The following SRCAP variants were observed in gnomAD, a reference collection of about 807,000 sequenced individuals.
SRCAP encodes chromatin remodeling protein SRCAP.
In SRCAP, 46 loss-of-function variants were observed where a neutral mutation model predicts 263.1. That is an observed-to-expected ratio of 0.17 (90% confidence interval 0.14 to 0.22). The LOEUF is 0.22. SRCAP is among the 10% of genes least tolerant of loss of function. The probability of loss-of-function intolerance (pLI) is 1.00; values close to 1 mark genes in which losing one functional copy is unlikely to be tolerated. For synonymous variants in SRCAP, 1,813 were observed against 1,662.1 expected (o/e 1.09, Z -2.21); for missense variants, 3,695 against 4,181.9 (o/e 0.88, Z 3.21).
chr16:30,719,019 T>C (rs769076091), intron 18 of SRCAP, among the ~76,000 whole-genome samples: 1 of 151,116 alleles, frequency 6.6e-6, no homozygotes, highest in Non-Finnish European at 1.5e-5. Flanking sequence ...TTCTTGTGCC[T>C]CAGCTTCCTG....
chr16:30,711,568 C>T lies in SRCAP; in HGVS notation c.1319-3C>T. 6.3e-7 allele frequency: 1 copy of T among 1,582,158 alleles called. No individual in the cohort carries two copies. On this transcript the variant is annotated splice_polypyrimidine_tract_variant and splice_region_variant and intron_variant, in intron 10 of 33. Coordinates refer to ENST00000262518, the MANE Select transcript of SRCAP (RefSeq NM_006662.3). The stretch of plus-strand genomic sequence containing the variant: ...AACCAAAAGCTTTTTGTTTCTCTTC[C>T]AGGTGAGCTTTCCATGGAGGAGCTA...
At chr16:30,711,443 CTT>C in intron 10 of SRCAP, 126 bp from the exon 11 acceptor site, 1 of 955,618 alleles carries the variant, frequency 1.0e-6, no homozygotes, top group South Asian at 1.8e-5. Flanking sequence ...AAAGTAAGCT[CTT>C]TTGCCTCCCC....
chr16:30,738,340 G>GGCGGCA lies in SRCAP; in HGVS notation c.8303_8308dup (p.Arg2768_Gln2769dup), dbSNP rs1567254301. On this transcript the variant is annotated inframe_insertion, in exon 34 of 34. Coordinates refer to ENST00000262518, the MANE Select transcript of SRCAP (RefSeq NM_006662.3). ...GAGGAAAAGGAACTGGTGCGGCGGC[G>GGCGGCA]GCGGCAGCAGCGGGGAGCTGCCAGC... 6.4e-7 allele frequency: 1 copy of GGCGGCA among 1,574,098 alleles called. No individual in the cohort carries two copies. Among genetic ancestry groups the GGCGGCA allele is most frequent in the Non-Finnish European group, 8.6e-7 (1 of 1,159,742 alleles).
chr16:30,713,497 G>C (rs778550081), intron 15 of SRCAP, 22 bp from the exon 16 acceptor site: 8 of 1,613,716 alleles, frequency 5.0e-6, no homozygotes, highest in East Asian at 2.2e-5. Context: ...TACTCTCTCT[G>C]ATTCTCTCTG....
intron 14 of SRCAP, 87 bp downstream of exon 14, chr16:30,712,902 C>A: frequency 2.0e-6 from 3 of 1,484,468 alleles, no homozygotes; most frequent in Non-Finnish European, 2.7e-6. Context: ...TTTCTCTCCT[C>A]TTTCTTTTTT....
At position 30,722,218 on chromosome 16, in the gene SRCAP, G is replaced by A; in HGVS notation, c.3638G>A (p.Gly1213Asp). The change falls in exon 22 of 34, where the codon GGC becomes GAC. Residue 1213 changes from glycine (G) to aspartate (D), a missense_variant. By Grantham distance (94) the Gly-to-Asp change is moderately conservative (BLOSUM62 -1). Around this residue, in one of 12 missense-constraint regions of SRCAP, gnomAD observed 1,347 missense variants for 1,304.4 expected, o/e 1.03. Coordinates refer to ENST00000262518, the MANE Select transcript of SRCAP (RefSeq NM_006662.3). The part of the protein sequence containing the change: ...GSKPLTFQIQ[G>D]NKLTLTGAQV... Reference sequence around the variant, plus strand: ...AAACCTCTCACCTTCCAAATCCAGGGCAACAAGCTGACTTTGACTGGTGCC... The same window carrying A: ...AAACCTCTCACCTTCCAAATCCAGGACAACAAGCTGACTTTGACTGGTGCC... 1.2e-6 allele frequency: 2 copies of A among 1,614,178 alleles called. No individual in the cohort carries two copies. The highest frequency in any genetic ancestry group is 1.7e-6 in the Non-Finnish European group (2 of 1,180,036).
At position 30,725,117 on chromosome 16, in the gene SRCAP, TGA is replaced by T. The variant is rs772882217; in HGVS notation, c.5658+37_5658+38del. ...ACTTCCTCAAGAGGGAACAGGAAGT[TGA>T]GTTTCTTTGGAGTGTTGGTAGGGTG... On this transcript the variant is annotated intron_variant, in intron 25 of 33. Coordinates refer to ENST00000262518, the MANE Select transcript of SRCAP (RefSeq NM_006662.3). The T allele has an allele frequency of 1.9e-6, 3 of 1,565,340 alleles. No homozygotes were observed. In the Admixed American group the frequency reaches 5.6e-5, roughly 29 times the overall value.
Position 30,723,651 on chromosome 16 carries a change from G to A in SRCAP, c.4227G>A (p.Gly1409=). The A allele has an allele frequency of 1.2e-6, 2 of 1,613,542 alleles. No homozygotes were observed. The highest frequency in any genetic ancestry group is 1.7e-6 in the Non-Finnish European group (2 of 1,179,748). ...SPLHVPSSLP[G]PASSPMPIPN... The stretch of plus-strand genomic sequence containing the variant: ...TCCACGTGCCATCCTCCCTCCCTGG[G>A]CCAGCCTCTTCTCCAATGCCAATTC... The change falls in exon 25 of 34, where the codon GGG becomes GGA. Residue 1409 remains glycine, a synonymous_variant. Transcript: ENST00000262518.
In SRCAP at chr16:30,724,587, A is replaced by G. The variant is rs1338309681; in HGVS notation, c.5163A>G (p.Ala1721=). The G allele has an allele frequency of 2.5e-6, 4 of 1,614,084 alleles. No individual in the cohort carries two copies. The South Asian group carries it at 3.3e-5, about 13-fold the overall frequency. ...CTCAGACATTGTCATTAACTCCAGCATCATCCCTGGTACCAACTCCAGCCC... is the reference window on the plus strand; with the variant it reads ...CTCAGACATTGTCATTAACTCCAGCGTCATCCCTGGTACCAACTCCAGCCC... ...FPTQTLSLTP[A]SSLVPTPAQT... The change falls in exon 25 of 34, where the codon GCA becomes GCG. Residue 1721 remains alanine (A), a synonymous_variant. Coordinates refer to ENST00000262518, the MANE Select transcript of SRCAP (RefSeq NM_006662.3).
Position 30,737,008 on chromosome 16 carries a change from G to A in SRCAP, c.7009-41G>A, listed in dbSNP as rs141410244. 9.7e-5 allele frequency: 149 copies of A among 1,538,162 alleles called. No homozygotes were observed. In the African/African-American group the frequency reaches 1.6e-3, roughly 17 times the overall value. On this transcript the variant is annotated intron_variant, in intron 33 of 33. Coordinates refer to ENST00000262518, the MANE Select transcript of SRCAP (RefSeq NM_006662.3). ...CTAATTTCTACTCACTCTCTACTCT[G>A]CTTGCCTCCTCCTGACCACTTTTGG...
chr16:30,718,679 C>G (rs1020025280), intron 18 of SRCAP, among the ~76,000 whole-genome samples: 3 of 151,742 alleles, frequency 2.0e-5, no homozygotes, highest in Non-Finnish European at 2.9e-5. Flanking sequence ...ACCACGTTGC[C>G]CAGCTGGTCT....
At chr16:30,734,663 A>AT in intron 31 of SRCAP, 48 bp downstream of exon 31, 1 of 1,612,112 alleles carries the variant, frequency 6.2e-7, no homozygotes, top group Non-Finnish European at 8.5e-7. Context: ...TTCTTACAGA[A>AT]TATCTTGTCT....
intron 3 of SRCAP, among the ~76,000 whole-genome samples, chr16:30,703,628 G>A (rs1192678700): frequency 6.6e-6 from 1 of 151,856 alleles, no homozygotes; most frequent in East Asian, 1.9e-4. Flanking sequence ...CGGGCGTGGT[G>A]GCTCACGCCT....
chr16:30,712,017 G>A lies in SRCAP; in HGVS notation c.1675G>A (p.Glu559Lys). 1 of 1,614,070 alleles carries A rather than the reference G, an allele frequency of 6.2e-7. No individual in the cohort carries two copies. The highest frequency in any genetic ancestry group is 8.5e-7 in the Non-Finnish European group (1 of 1,180,026). ...GGTGGAGTACTTGCTTGCCAGGGATGAAGAGCAGAGTGAGGCAGATGCAGG... is the reference window on the plus strand; with the variant it reads ...GGTGGAGTACTTGCTTGCCAGGGATAAAGAGCAGAGTGAGGCAGATGCAGG... ...FGVEYLLARD[E>K]EQSEADAGSG... The change falls in exon 12 of 34, where the codon GAA becomes AAA. Residue 559 changes from glutamate (E) to lysine (K), a missense_variant. Glu to Lys is a moderately conservative substitution (Grantham distance 56, BLOSUM62 1). This residue lies in a region of SRCAP where 288 missense variants were observed against 302.4 expected (regional missense o/e 0.95). Coordinates refer to ENST00000262518, the MANE Select transcript of SRCAP (RefSeq NM_006662.3).
Position 30,735,567 on chromosome 16 carries a change from C to CTTTTT in SRCAP, c.6730-615_6730-611dup, listed in dbSNP as rs10663863. On this transcript the variant is annotated intron_variant, in intron 31 of 33. Coordinates refer to ENST00000262518, the MANE Select transcript of SRCAP (RefSeq NM_006662.3). ...AAAATAATTGCAGTTTTTGACATTA[C>CTTTTT]TTTTTTTTTTTTTTTTTTTTTTGGA... 7.2e-3 allele frequency among the ~76,000 whole-genome samples: 500 copies of CTTTTT among 69,554 alleles called. 30 individuals carry two copies. Among genetic ancestry groups the CTTTTT allele is most frequent in the Non-Finnish European group, 9.2e-3 (364 of 39,778 alleles). 45.6% of individuals were successfully genotyped at this position (69,554 alleles called of 152,430 possible).
At chr16:30,722,323 C>T (rs2053018955) in intron 22 of SRCAP, 37 bp downstream of exon 22, 4 of 1,596,442 alleles carry the variant, frequency 2.5e-6, no homozygotes, top group Non-Finnish European at 2.6e-6. Context: ...CCTTTTTCCT[C>T]CTCTTCCCTG....
At chr16:30,730,718 C>G (rs966768050) in intron 27 of SRCAP, among the ~76,000 whole-genome samples, 1 of 148,204 alleles carries the variant, frequency 6.7e-6, no homozygotes, top group Admixed American at 6.7e-5. Context: ...GTGTGAACCA[C>G]TGCGCCCAGC....
In SRCAP at chr16:30,710,784, C is replaced by A. The variant is rs376370021; in HGVS notation, c.1165C>A (p.Arg389Ser). 1.7e-5 allele frequency: 27 copies of A among 1,614,176 alleles called. No individual in the cohort carries two copies. The East Asian group carries it at 5.6e-4, about 33-fold the overall frequency. Residue 389 changes from arginine (R) to serine (S), a missense_variant, in exon 9 of 34, where the codon CGC becomes AGC. By Grantham distance (110) the Arg-to-Ser change is moderately radical. This residue lies in a region of SRCAP where 288 missense variants were observed against 302.4 expected (regional missense o/e 0.95). Transcript: ENST00000262518. ...GCCCCCACCCTCTGCTGTCACACAG[C>A]GCAACAAACAGCCTTGGCATCCAGA... ...IKPPPSAVTQ[R>S]NKQPWHPDED...
chr16:30,702,382 G>A (rs537669045), intron 3 of SRCAP, among the ~76,000 whole-genome samples: 84 of 151,930 alleles, frequency 5.5e-4, no homozygotes, highest in African/African-American at 1.7e-3. Context: ...ACAGGCGTCC[G>A]CCACCACGCC....
Sources: allele counts gnomAD v4.1 joint callset (sites outside exome capture counted in the v4.1 genomes callset), GRCh38; gene constraint gnomAD v4.1.1; regional missense constraint gnomAD v4.1.1; transcripts MANE v1.5; gene names NCBI Gene and HGNC (gene_info 2026-07-23, HGNC 2026-07-21).